Variants in FAM234A observed in about 807,000 individuals in gnomAD.
FAM234A encodes protein FAM234A.
A neutral mutation model predicts 49.1 loss-of-function variants in FAM234A; 42 were observed. That is an observed-to-expected ratio of 0.86 (90% confidence interval 0.67 to 1.11). The LOEUF (loss-of-function observed/expected upper bound fraction) is 1.11. Ranked by LOEUF, FAM234A falls within the 50% of genes least tolerant of loss-of-function variation. The pLI is 0.00. For synonymous variants in FAM234A, 369 were observed against 316.2 expected, an observed-to-expected ratio of 1.17 and a Z score of -1.77; for missense variants, 815 against 745.2, an observed-to-expected ratio of 1.09 and a Z score of -1.09.
chr16:253,481 ATT>A (rs1031534296), intron 2 of FAM234A, among the ~76,000 whole-genome samples: 1 of 148,840 alleles, frequency 6.7e-6, no homozygotes, highest in East Asian at 2.0e-4. Flanking sequence ...TATGCATTTA[ATT>A]TTTTTTTTTG....
At chr16:239,441 G>A (rs1405953631) in intron 1 of FAM234A, among the ~76,000 whole-genome samples, 6 of 149,568 alleles carry the variant, frequency 4.0e-5, no homozygotes, top group African/African-American at 9.9e-5. Context: ...GTGAAACTCC[G>A]TCTCTACTAA....
At chr16:262,683 G>A (rs1251978382) in intron 8 of FAM234A, 130 bp downstream of exon 8, 40 of 872,826 alleles carry the variant, frequency 4.6e-5, no homozygotes, top group Admixed American at 1.5e-4. Context: ...TCGGGGTACC[G>A]CAAGGTCACC....
intron 9 of FAM234A, 111 bp downstream of exon 9, chr16:263,513 T>C: frequency 2.1e-6 from 3 of 1,463,406 alleles, no homozygotes; most frequent in South Asian, 2.5e-5. Flanking sequence ...GGAGGCCGTG[T>C]GCTGCTGCCC....
intron 10 of FAM234A, 85 bp from the exon 11 acceptor site, chr16:263,931 G>A: frequency 1.3e-5 from 20 of 1,494,104 alleles, no homozygotes; most frequent in Non-Finnish European, 1.8e-5. Context: ...GGCTGGCATG[G>A]CTGAGGGCAC....
chr16:266,056 AG>A lies in FAM234A; in HGVS notation c.*1036del, dbSNP rs1228355631. 2.0e-6 allele frequency: 2 copies of A among 985,922 alleles called. No individual in the cohort carries two copies. Among genetic ancestry groups the A allele is most frequent in the Non-Finnish European group, 2.4e-6 (2 of 830,114 alleles). 61.1% of individuals were successfully genotyped at this position (985,922 alleles called of 1,614,324 possible). A position where few individuals can be genotyped will look rare whatever the true frequency, so the allele number is the denominator to read the frequency against. On this transcript the variant is annotated 3_prime_UTR_variant, in exon 13 of 13. Transcript: ENST00000399932. ...AAGCAGCCTGATGACCCACCCACCA[AG>A]GAAGAAAGCAGAATAAACATTTTTG...
intron 8 of FAM234A, 36 bp downstream of exon 8, chr16:262,589 G>A (rs1341698387): frequency 9.7e-6 from 15 of 1,539,254 alleles, no homozygotes; most frequent in Admixed American, 3.9e-5. Flanking sequence ...CATGCAGAGC[G>A]CCCACCCCAT....
intron 1 of FAM234A, among the ~76,000 whole-genome samples, chr16:240,749 G>A (rs1400595095): frequency 1.3e-5 from 2 of 152,008 alleles, no homozygotes; most frequent in Non-Finnish European, 2.9e-5. Context: ...TGATCCAGCC[G>A]CCTAGGCCTC....
chr16:268,736 A>C, downstream of FAM234A: 1 of 1,538,814 alleles, frequency 6.5e-7, no homozygotes. Flanking sequence ...AGTGACCTCG[A>C]GGCAGCCTCA....
chr16:252,762 T>C (rs565567310), intron 2 of FAM234A, among the ~76,000 whole-genome samples: 14 of 152,236 alleles, frequency 9.2e-5, no homozygotes, highest in Non-Finnish European at 1.5e-4. Flanking sequence ...AAAGTCCGAG[T>C]GAACAGTTTA....
intron 10 of FAM234A, 95 bp downstream of exon 10, chr16:263,870 CCG>C (rs2141368483): frequency 7.2e-7 from 1 of 1,393,934 alleles, no homozygotes; most frequent in South Asian, 1.2e-5. Context: ...GAGGCTGCTG[CCG>C]TCAGAGCTGC....
intron 1 of FAM234A, among the ~76,000 whole-genome samples, chr16:238,723 G>A (rs1290183114): frequency 2.5e-5 from 3 of 122,262 alleles, no homozygotes; most frequent in South Asian, 2.7e-4. Context: ...CAGAGATCGT[G>A]CCACTGCACT....
rs1047662618 is a variant in FAM234A, at chr16:262,506, C to G, written c.924C>G (p.His308Gln). The G allele has an allele frequency of 6.2e-7, 1 of 1,612,384 alleles. No individual in the cohort carries two copies. The highest frequency in any genetic ancestry group is 2.2e-5 in the East Asian group (1 of 44,846). ...GSGGPFKSDP[H>Q]WESMLNATTR... ...GCGGCCCGTTCAAGAGTGACCCGCA[C>G]TGGGAGAGCATGCTCAATGCCACCA... Residue 308 changes from histidine (H) to glutamine (Q), a missense_variant, in exon 8 of 13, where the codon CAC (histidine) becomes CAG (glutamine). Transcript: ENST00000399932.
At chr16:244,987 C>T (rs981808444) in intron 1 of FAM234A, among the ~76,000 whole-genome samples, 11 of 152,042 alleles carry the variant, frequency 7.2e-5, no homozygotes, top group Admixed American at 2.0e-4. Context: ...CCATCGCGCT[C>T]GACCAATAAC....
downstream of FAM234A, chr16:268,514 A>T: frequency 1.8e-6 from 1 of 551,122 alleles, no homozygotes; most frequent in Non-Finnish European, 3.3e-6. Flanking sequence ...AGGCCAGCTC[A>T]CGAAGGAAGA....
chr16:253,998 T>A (rs1430780310), intron 2 of FAM234A: 2 of 214,718 alleles, frequency 9.3e-6, no homozygotes, highest in Non-Finnish European at 1.9e-5. Flanking sequence ...ACCTTTTCCA[T>A]CTGTGCTTGA....
intron 3 of FAM234A, among the ~76,000 whole-genome samples, chr16:257,236 CTTTTTTT>C (rs759071082): frequency 1.5e-4 from 13 of 89,014 alleles, no homozygotes; most frequent in Admixed American, 7.0e-4. Flanking sequence ...TCAATGAAGT[CTTTTTTT>C]TTTTTTTTTT....
chr16:266,739 AAAGT>A (rs559078047), downstream of FAM234A, among the ~76,000 whole-genome samples: 54 of 152,222 alleles, frequency 3.5e-4, no homozygotes, highest in Middle Eastern at 3.4e-3. Context: ...GTCCCTGAGA[AAAGT>A]AACTCAGCCC....
chr16:259,150 T>C (rs1173460127), intron 3 of FAM234A, among the ~76,000 whole-genome samples: 1 of 152,188 alleles, frequency 6.6e-6, no homozygotes. Context: ...TGAAAGGAAG[T>C]GTAAACCCTG....
intron 1 of FAM234A, chr16:240,247 G>A (rs2050563054): frequency 6.6e-6 from 1 of 152,206 alleles, no homozygotes; most frequent in Admixed American, 6.5e-5. Context: ...TATGGATGAT[G>A]AAGTCTGTCG....
Sources: gnomAD v4.1 joint callset for allele counts (sites outside exome capture counted in the v4.1 genomes callset) on GRCh38, gnomAD v4.1.1 for gene constraint, MANE v1.5 for transcripts, NCBI Gene and HGNC (gene_info 2026-07-23, HGNC 2026-07-21) for gene names.